LRRIQ1: variants seen among roughly 807,000 people sequenced by gnomAD.
The protein encoded by LRRIQ1 is leucine-rich repeat- and IQ domain-containing protein 1.
Under a neutral mutation model 211.9 loss-of-function variants are expected in LRRIQ1, and 210 were observed. The observed-to-expected ratio is 0.99, with a 90% CI of 0.89 to 1.11. The LOEUF (loss-of-function observed/expected upper bound fraction) is 1.11, where lower values mean the gene tolerates loss of function less well. Ranked by LOEUF, LRRIQ1 falls within the 50% of genes most tolerant of loss-of-function variation. The pLI, the probability that LRRIQ1 is intolerant of heterozygous loss-of-function variation, is 0.00. For missense variants in LRRIQ1, 2,136 were observed against 1,939.5 expected (o/e 1.10, Z -1.90); for synonymous variants, 699 against 650.1 (o/e 1.08, Z -1.14).
At chr12:85,269,931 G>A in the LRRIQ1 span, among the ~76,000 whole-genome samples, 1 of 151,874 alleles carries the variant, frequency 6.6e-6, no homozygotes, top group African/African-American at 2.4e-5. Context: ...CTTGATTAGG[G>A]CCTTCCTCTT....
In LRRIQ1 at chr12:85,098,488, G is replaced by T; in HGVS notation, c.3021G>T (p.Glu1007Asp). ...DCSHNHLTDVEGVENCGLLQI... is the reference protein window; with the variant it reads ...DCSHNHLTDVDGVENCGLLQI... ...CCCATAATCATCTTACTGATGTAGA[G>T]GGCGTTGAAAATTGTGGATTGCTCC... Residue 1007 changes from glutamate (E) to aspartate (D), a missense_variant, in exon 12 of 27, where the codon GAG (glutamate) becomes GAT (aspartate). Coordinates refer to ENST00000393217, the MANE Select transcript of LRRIQ1 (RefSeq NM_001079910.2). 1 of 1,611,742 alleles carries T rather than the reference G, an allele frequency of 6.2e-7. No individual in the cohort carries two copies.
the LRRIQ1 span, among the ~76,000 whole-genome samples, chr12:85,271,579 C>G: frequency 6.6e-6 from 1 of 152,020 alleles, no homozygotes; most frequent in Non-Finnish European, 1.5e-5. Context: ...TCTTAATTCT[C>G]TAGATTTCTT....
At chr12:85,145,930 T>C (rs1196212056) in intron 19 of LRRIQ1, among the ~76,000 whole-genome samples, 1 of 151,708 alleles carries the variant, frequency 6.6e-6, no homozygotes, top group Non-Finnish European at 1.5e-5. Context: ...ATCCATCCCT[T>C]GTTTTTACAT....
chr12:85,269,273 C>T (rs1442349467), downstream of LRRIQ1, among the ~76,000 whole-genome samples: 2 of 151,836 alleles, frequency 1.3e-5, no homozygotes, highest in Admixed American at 1.3e-4. Flanking sequence ...TGGAAAACTG[C>T]TACGTGATGG....
chr12:85,268,912 A>G (rs12304429), downstream of LRRIQ1, among the ~76,000 whole-genome samples: 474 of 152,118 alleles, frequency 3.1e-3, 4 homozygotes, highest in African/African-American at 0.011. Flanking sequence ...ATAGTTTAGT[A>G]TCCTAAAGGG....
chr12:85,092,725 G>C (rs1178572090), intron 11 of LRRIQ1, among the ~76,000 whole-genome samples: 1 of 152,142 alleles, frequency 6.6e-6, no homozygotes, highest in African/African-American at 2.4e-5. Context: ...ACTAACCTTT[G>C]GTGTTTGTCA....
At chr12:85,193,019 A>G (rs1402808996) in intron 24 of LRRIQ1, among the ~76,000 whole-genome samples, 2 of 29,162 alleles carry the variant, frequency 6.9e-5, no homozygotes, top group Non-Finnish European at 1.1e-4. Context: ...ATAATTATAT[A>G]ATATATTTAT....
At chr12:85,182,889 T>C (rs1892050805) in intron 24 of LRRIQ1, among the ~76,000 whole-genome samples, 1 of 152,134 alleles carries the variant, frequency 6.6e-6, no homozygotes, top group Admixed American at 6.6e-5. Flanking sequence ...CCCGAGGCAG[T>C]GTTGATCTGA....
intron 25 of LRRIQ1, 97 bp from the exon 26 acceptor site, chr12:85,232,599 T>A (rs1894994898): frequency 7.6e-6 from 7 of 922,090 alleles, no homozygotes; most frequent in Non-Finnish European, 1.2e-5. Context: ...ATTTTGTAAA[T>A]AACGAATTTC....
At chr12:85,235,907 T>G (rs945815731) in intron 26 of LRRIQ1, among the ~76,000 whole-genome samples, 33 of 152,306 alleles carry the variant, frequency 2.2e-4, no homozygotes, top group African/African-American at 7.9e-4. Flanking sequence ...TAGTAAGTTG[T>G]GTCACAAGAC....
intron 17 of LRRIQ1, chr12:85,124,887 T>C: frequency 4.3e-6 from 1 of 231,790 alleles, no homozygotes; most frequent in South Asian, 5.0e-5. Flanking sequence ...TTTAAAAATA[T>C]ACCTTTGCAG....
intron 24 of LRRIQ1, among the ~76,000 whole-genome samples, chr12:85,195,105 C>T (rs1276404923): frequency 1.3e-5 from 2 of 152,140 alleles, no homozygotes; most frequent in Admixed American, 1.3e-4. Flanking sequence ...CACATACACT[C>T]TCCCAAGACT....
At chr12:85,165,887 A>C (rs1337767610) in intron 24 of LRRIQ1, among the ~76,000 whole-genome samples, 1 of 152,152 alleles carries the variant, frequency 6.6e-6, no homozygotes, top group Non-Finnish European at 1.5e-5. Context: ...TATTGTGACT[A>C]GTGCCGCGAT....
At chr12:85,178,083 A>G (rs1891801612) in intron 24 of LRRIQ1, among the ~76,000 whole-genome samples, 2 of 152,042 alleles carry the variant, frequency 1.3e-5, no homozygotes, top group Non-Finnish European at 2.9e-5. Context: ...TATTTCCATT[A>G]TCGTTCAAAA....
At chr12:85,060,553 T>G (rs1386175886) in intron 8 of LRRIQ1, among the ~76,000 whole-genome samples, 2 of 151,904 alleles carry the variant, frequency 1.3e-5, no homozygotes, top group Admixed American at 1.3e-4. Flanking sequence ...CTCACTTCTC[T>G]TATACAAAGT....
At chr12:85,248,043 CATTT>C (rs574573254), downstream of LRRIQ1, among the ~76,000 whole-genome samples, 173 of 151,652 alleles carry the variant, frequency 1.1e-3, no homozygotes, top group African/African-American at 4.0e-3. Context: ...GAGATTTCCT[CATTT>C]ATATAATATT....
rs930162128 is a variant in LRRIQ1 at position 85,160,306 on chromosome 12, C to T, written c.4721-307C>T. On this transcript the variant is annotated intron_variant, in intron 23 of 26. Coordinates refer to ENST00000393217, the MANE Select transcript of LRRIQ1 (RefSeq NM_001079910.2). ...AAATTAATGAAATAACCTTTTCCTA[C>T]CTGTTTCTTATTCCATTAGTTGTCT... Among the ~76,000 whole-genome samples the T allele has an allele frequency of 2.0e-5, 3 of 152,116 alleles. No homozygotes were observed. The East Asian group carries it at 5.8e-4, about 29-fold the overall frequency.
the LRRIQ1 span, among the ~76,000 whole-genome samples, chr12:85,270,281 A>T: frequency 6.6e-6 from 1 of 152,146 alleles, no homozygotes; most frequent in Non-Finnish European, 1.5e-5. Context: ...TTAAAAGGTA[A>T]CTGTACTTGT....
intron 24 of LRRIQ1, among the ~76,000 whole-genome samples, chr12:85,185,770 T>A (rs993635409): frequency 1.3e-5 from 2 of 152,052 alleles, no homozygotes; most frequent in Non-Finnish European, 2.9e-5. Flanking sequence ...ATTTTATTTT[T>A]GCTCTTTGAT....
Sources: allele counts gnomAD v4.1 joint callset (sites outside exome capture counted in the v4.1 genomes callset), GRCh38; gene constraint gnomAD v4.1.1; transcripts MANE v1.5; gene names NCBI Gene and HGNC (gene_info 2026-07-23, HGNC 2026-07-21).